PHF14: variants seen among roughly 807,000 people sequenced by gnomAD.
The protein encoded by PHF14 is PHD finger protein 14.
A neutral mutation model predicts 117.9 loss-of-function variants in PHF14; 55 were observed. That is an observed-to-expected ratio of 0.47 (90% CI 0.38 to 0.58). The LOEUF (loss-of-function observed/expected upper bound fraction) is 0.58. Among genes scored for constraint, PHF14 ranks in the 20% least tolerant of loss-of-function variants. PHF14 has a pLI of 0.00. For synonymous variants in PHF14, 409 were observed against 368.6 expected, an observed-to-expected ratio of 1.11 and a Z score of -1.26; for missense variants, 978 against 1,122.2, an observed-to-expected ratio of 0.87 and a Z score of 1.84.
intron 16 of PHF14, chr7:11,104,698 A>G: frequency 4.6e-6 from 4 of 870,158 alleles, no homozygotes; most frequent in Non-Finnish European, 5.5e-6. Flanking sequence ...AAGGATTTGT[A>G]AAAACACAGG....
At chr7:11,083,073 G>A (rs1050625913) in intron 16 of PHF14, among the ~76,000 whole-genome samples, 1 of 152,054 alleles carries the variant, frequency 6.6e-6, no homozygotes, top group Non-Finnish European at 1.5e-5. Flanking sequence ...CCTTATCTAA[G>A]AAAAAGTTCA....
At position 11,000,610 on chromosome 7, in the gene PHF14, A is replaced by T. The variant is rs572325317; in HGVS notation, c.1045+9763A>T. Among the ~76,000 whole-genome samples the T allele has an allele frequency of 1.3e-4, 20 of 152,286 alleles. No homozygotes were observed. The East Asian group carries it at 2.9e-3, about 22-fold the overall frequency. ...TGCCTTGGTCTCCCAAAGTGCTGGGATTACAGGCGTGAGCCACCACACCCA... is the reference window on the plus strand; with the variant it reads ...TGCCTTGGTCTCCCAAAGTGCTGGGTTTACAGGCGTGAGCCACCACACCCA... On this transcript the variant is annotated intron_variant, in intron 4 of 17. Coordinates refer to ENST00000634607, the MANE Select transcript of PHF14 (RefSeq NM_001007157.2).
intron 7 of PHF14, among the ~76,000 whole-genome samples, chr7:11,033,871 TTGTA>T (rs1167068349): frequency 6.6e-6 from 1 of 152,186 alleles, no homozygotes; most frequent in Non-Finnish European, 1.5e-5. Flanking sequence ...AAGCAGCTGT[TTGTA>T]TGTGTTAATG....
chr7:10,995,757 G>T (rs1782621832), intron 4 of PHF14, among the ~76,000 whole-genome samples: 1 of 152,202 alleles, frequency 6.6e-6, no homozygotes. Flanking sequence ...CAGCACTGCT[G>T]GGGGACCCGG....
At chr7:11,144,134 C>T (rs1788477419) in intron 17 of PHF14, among the ~76,000 whole-genome samples, 1 of 152,046 alleles carries the variant, frequency 6.6e-6, no homozygotes, top group African/African-American at 2.4e-5. Flanking sequence ...AATCGCTAAT[C>T]ATCAGGGAAT....
At chr7:11,020,730 T>A (rs1783706381) in intron 5 of PHF14, among the ~76,000 whole-genome samples, 1 of 152,186 alleles carries the variant, frequency 6.6e-6, no homozygotes, top group African/African-American at 2.4e-5. Flanking sequence ...GTCTTAGTTC[T>A]GTCCCTTGCT....
rs544806481 is a variant in PHF14 at position 10,992,632 on chromosome 7, C to T, written c.1045+1785C>T. Among the ~76,000 whole-genome samples, 5 of 152,152 alleles carry T rather than the reference C, an allele frequency of 3.3e-5. No homozygotes were observed. The East Asian group carries it at 9.8e-4, about 30-fold the overall frequency. ...GAGCCGAGATGGTGCCACTGTACTC[C>T]AGCCTGGGCGACAGAGGAAGACTGT... On this transcript the variant is annotated intron_variant, in intron 4 of 17. Transcript: ENST00000634607.
intron 16 of PHF14, among the ~76,000 whole-genome samples, chr7:11,088,618 A>AT (rs1337661307): frequency 6.6e-6 from 1 of 152,014 alleles, no homozygotes; most frequent in East Asian, 1.9e-4. Context: ...TAGTCATGAA[A>AT]TTTTTTTTAA....
chr7:11,025,943 A>G (rs182698199), intron 6 of PHF14, among the ~76,000 whole-genome samples: 2,431 of 151,948 alleles, frequency 0.016, 30 homozygotes, highest in Non-Finnish European at 0.025. Flanking sequence ...AAAACCCTGT[A>G]TCTACTAAAA....
At chr7:11,132,512 G>GT (rs1788118424) in intron 17 of PHF14, among the ~76,000 whole-genome samples, 1 of 151,656 alleles carries the variant, frequency 6.6e-6, no homozygotes, top group African/African-American at 2.4e-5. Flanking sequence ...CGGTTAGGTT[G>GT]TTTTTGTATC....
At position 10,990,095 on chromosome 7, in the gene PHF14, C is replaced by T. The variant is rs569708872; in HGVS notation, c.901-608C>T. Reference sequence around the variant, plus strand: ...GTATCTCTGTGTATTCATATACCTACGCAGGCTCTCATGGATCTGTCTTAC... The same window carrying T: ...GTATCTCTGTGTATTCATATACCTATGCAGGCTCTCATGGATCTGTCTTAC... On this transcript the variant is annotated intron_variant, in intron 3 of 17. Transcript: ENST00000634607. 5.9e-5 allele frequency among the ~76,000 whole-genome samples: 9 copies of T among 152,254 alleles called. No homozygotes were observed. The South Asian group carries it at 1.0e-3, about 18-fold the overall frequency.
At chr7:11,053,962 T>G (rs1347934012) in intron 14 of PHF14, among the ~76,000 whole-genome samples, 1 of 151,912 alleles carries the variant, frequency 6.6e-6, no homozygotes, top group African/African-American at 2.4e-5. Context: ...GACCAGTAAT[T>G]TCAGGAAATG....
intron 6 of PHF14, 67 bp from the exon 7 acceptor site, chr7:11,028,614 T>A (rs997380210): frequency 5.0e-6 from 7 of 1,405,082 alleles, no homozygotes; most frequent in East Asian, 2.3e-5. Context: ...GGACACTTTG[T>A]ATGAGAATGC....
chr7:11,110,675 T>G, intron 16 of PHF14: 1 of 196,564 alleles, frequency 5.1e-6, no homozygotes, highest in Non-Finnish European at 9.2e-6. Context: ...GACAGGTAAT[T>G]TGTGAGAATA....
chr7:10,985,070 T>C (rs1161704245), intron 3 of PHF14, among the ~76,000 whole-genome samples: 1 of 152,212 alleles, frequency 6.6e-6, no homozygotes, highest in Non-Finnish European at 1.5e-5. Context: ...TTTTAGTTTA[T>C]TTAAATTATG....
At chr7:11,131,918 T>G (rs1788100714) in intron 17 of PHF14, among the ~76,000 whole-genome samples, 1 of 151,844 alleles carries the variant, frequency 6.6e-6, no homozygotes, top group Admixed American at 6.6e-5. Flanking sequence ...AATTGCTTTC[T>G]TATGTTACAA....
chr7:11,083,892 A>T (rs1040496025), intron 16 of PHF14, among the ~76,000 whole-genome samples: 3 of 152,202 alleles, frequency 2.0e-5, no homozygotes, highest in African/African-American at 7.2e-5. Flanking sequence ...AAGCTAGGAG[A>T]AAATAAATAA....
chr7:11,169,529 T>C lies in PHF14; in HGVS notation c.*39T>C, dbSNP rs942068185. 14 of 836,936 alleles carry C rather than the reference T, an allele frequency of 1.7e-5. No homozygotes were observed. Among genetic ancestry groups the C allele is most frequent in the South Asian group, 4.2e-5 (2 of 47,218 alleles). The allele number at this position is 836,936 out of a possible 1,614,324, so 51.8% of individuals were successfully genotyped here. ...GTGTTTTTGAAAAGTTTGCAGCTTA[T>C]GTAATAGCAGATAAAATTTCTAATT... On this transcript the variant is annotated 3_prime_UTR_variant, in exon 18 of 18. Transcript: ENST00000634607.
intron 5 of PHF14, among the ~76,000 whole-genome samples, chr7:11,019,124 A>G (rs1273421093): frequency 6.6e-6 from 1 of 152,024 alleles, no homozygotes; most frequent in African/African-American, 2.4e-5. Flanking sequence ...CGTATTGTTA[A>G]ATTCGGTTTG....
Sources: gnomAD v4.1 joint callset for allele counts (sites outside exome capture counted in the v4.1 genomes callset) on GRCh38, gnomAD v4.1.1 for gene constraint, MANE v1.5 for transcripts, NCBI Gene and HGNC (gene_info 2026-07-23, HGNC 2026-07-21) for gene names.